IGSF10: variants seen among roughly 807,000 people sequenced by gnomAD.
IGSF10 encodes immunoglobulin superfamily member 10.
IGSF10 carries 126 observed loss-of-function variants against 128.2 expected under a neutral mutation model. The ratio of observed to expected loss-of-function variants is 0.98; its 90% CI spans 0.85 to 1.14. IGSF10 has a LOEUF of 1.14. Ranked by LOEUF, IGSF10 falls within the 50% of genes most tolerant of loss-of-function variation. The pLI is 0.00. For synonymous variants in IGSF10, 1,185 were observed against 1,146.2 expected, an observed-to-expected ratio of 1.03 and a Z score of -0.68; for missense variants, 3,295 against 3,149.8, an observed-to-expected ratio of 1.05 and a Z score of -1.10.
chr3:151,442,289 G>A (rs1035116239), intron 7 of IGSF10, among the ~76,000 whole-genome samples: 3 of 151,984 alleles, frequency 2.0e-5, no homozygotes, highest in Admixed American at 6.5e-5. Context: ...GTAAAATAAC[G>A]GAGTGTCTCT....
upstream of IGSF10, among the ~76,000 whole-genome samples, chr3:151,465,341 T>C (rs113165847): frequency 4.6e-3 from 702 of 152,310 alleles, 4 homozygotes; most frequent in African/African-American, 0.016. Context: ...ATGACCATTG[T>C]TGTTGTCAAG....
chr3:151,573,071 T>C, the IGSF10 span, among the ~76,000 whole-genome samples: 1 of 152,262 alleles, frequency 6.6e-6, no homozygotes, highest in East Asian at 1.9e-4. Context: ...AGTTCTAGTT[T>C]GATTGCACTG....
At chr3:151,563,004 T>C in the IGSF10 span, among the ~76,000 whole-genome samples, 1 of 152,094 alleles carries the variant, frequency 6.6e-6, no homozygotes, top group Non-Finnish European at 1.5e-5. Flanking sequence ...CTGCATGACC[T>C]GCATTCTAAG....
rs536094667 is a variant in IGSF10 at position 151,457,361 on chromosome 3, A to AC, written c.195-207dup. Among the ~76,000 whole-genome samples the AC allele has an allele frequency of 2.8e-3, 419 of 151,620 alleles. 4 individuals carry two copies. Among genetic ancestry groups the AC allele is most frequent in the Non-Finnish European group, 2.5e-3 (173 of 67,880 alleles). On this transcript the variant is annotated intron_variant, in intron 3 of 7. Coordinates refer to ENST00000282466, the MANE Select transcript of IGSF10 (RefSeq NM_178822.5). ...AGTTCTTGCCATTTCAGTTACAATC[A>AC]CCCCCCTCATATTCTGGGAACTTGT...
chr3:151,574,877 T>G, the IGSF10 span, among the ~76,000 whole-genome samples: 1 of 152,198 alleles, frequency 6.6e-6, no homozygotes, highest in Admixed American at 6.5e-5. Context: ...TGGTCTTTGA[T>G]GATGTGACCT....
chr3:151,513,630 G>T, the IGSF10 span, among the ~76,000 whole-genome samples: 2 of 152,156 alleles, frequency 1.3e-5, no homozygotes, highest in Non-Finnish European at 2.9e-5. Context: ...GGGAAATCAG[G>T]CAGGAGAAGG....
the IGSF10 span, among the ~76,000 whole-genome samples, chr3:151,537,646 T>C: frequency 1.3e-5 from 2 of 152,218 alleles, no homozygotes; most frequent in African/African-American, 4.8e-5. Context: ...AGTTAGTCTG[T>C]AATGGCCTGT....
chr3:151,518,257 A>G, the IGSF10 span, among the ~76,000 whole-genome samples: 1 of 152,090 alleles, frequency 6.6e-6, no homozygotes, highest in African/African-American at 2.4e-5. Flanking sequence ...AAAAATGTCA[A>G]GCTATAACCA....
the IGSF10 span, among the ~76,000 whole-genome samples, chr3:151,565,347 A>T: frequency 3.9e-5 from 6 of 152,150 alleles, no homozygotes; most frequent in African/African-American, 1.2e-4. Context: ...CATAATATAA[A>T]ATCACCAGTA....
the IGSF10 span, among the ~76,000 whole-genome samples, chr3:151,609,601 C>A: frequency 6.6e-6 from 1 of 151,936 alleles, no homozygotes; most frequent in South Asian, 2.1e-4. Context: ...AGATGCCTAT[C>A]AACAGTGTAC....
intron 5 of IGSF10, among the ~76,000 whole-genome samples, chr3:151,452,829 G>C (rs1721572310): frequency 6.6e-6 from 1 of 151,970 alleles, no homozygotes; most frequent in Non-Finnish European, 1.5e-5. Context: ...TGGGGTGGGT[G>C]GAGAAGCAGC....
chr3:151,479,069 G>T, the IGSF10 span, among the ~76,000 whole-genome samples: 1 of 152,182 alleles, frequency 6.6e-6, no homozygotes, highest in African/African-American at 2.4e-5. Flanking sequence ...AGTCATGCCT[G>T]CAAATGCATA....
the IGSF10 span, among the ~76,000 whole-genome samples, chr3:151,601,738 C>A: frequency 6.6e-6 from 1 of 152,342 alleles, no homozygotes; most frequent in South Asian, 2.1e-4. Context: ...TCTACACATG[C>A]ACTTTGGTAA....
chr3:151,432,805 A>G, downstream of IGSF10: 1 of 1,612,428 alleles, frequency 6.2e-7, no homozygotes, highest in Non-Finnish European at 8.5e-7. Context: ...ACACTTCTGA[A>G]TCTGCAAGAG....
chr3:151,558,103 C>A, the IGSF10 span, among the ~76,000 whole-genome samples: 1 of 141,466 alleles, frequency 7.1e-6, no homozygotes, highest in Non-Finnish European at 1.5e-5. Flanking sequence ...TTCTATTTTT[C>A]ATGTATAATC....
rs146230033 is a variant in IGSF10 at position 151,453,673 on chromosome 3, C to G, written c.426G>C (p.Glu142Asp). 158 of 1,613,666 alleles carry G rather than the reference C, an allele frequency of 9.8e-5. No individual in the cohort carries two copies. The African/African-American group carries it at 2.0e-3, about 20-fold the overall frequency. Residue 142 changes from glutamate (E) to aspartate (D), a missense_variant, in exon 5 of 8, where the codon GAG becomes GAC. Coordinates refer to ENST00000282466, the MANE Select transcript of IGSF10 (RefSeq NM_178822.5). ...CATAAAAAACCTCTGGGTTTATAAA[C>G]TCAATATTGTTGTGGTCCATGTGCA... ...TRLHMDHNNI[E>D]FINPEVFYGL... is the part of the protein sequence containing the mutation.
upstream of IGSF10, among the ~76,000 whole-genome samples, chr3:151,463,543 T>G (rs961706267): frequency 2.8e-5 from 3 of 106,560 alleles, no homozygotes; most frequent in African/African-American, 3.8e-5. Flanking sequence ...TTTTTTTTTT[T>G]TTTTTTTTTT....
At chr3:151,442,294 GTC>G (rs1460785088) in intron 7 of IGSF10, among the ~76,000 whole-genome samples, 2 of 151,502 alleles carry the variant, frequency 1.3e-5, no homozygotes, top group Non-Finnish European at 2.9e-5. Context: ...ATAACGGAGT[GTC>G]TCTCTCTAGA....
the IGSF10 span, among the ~76,000 whole-genome samples, chr3:151,578,609 G>A: frequency 6.6e-6 from 1 of 152,200 alleles, no homozygotes; most frequent in Non-Finnish European, 1.5e-5. Flanking sequence ...CCTTTGCAAT[G>A]CGATACTGAG....
Sources: allele counts gnomAD v4.1 joint callset (sites outside exome capture counted in the v4.1 genomes callset), GRCh38; gene constraint gnomAD v4.1.1; transcripts MANE v1.5; gene names NCBI Gene and HGNC (gene_info 2026-07-23, HGNC 2026-07-21).